The following SLC39A8 variants were observed in gnomAD, a reference collection of about 807,000 sequenced individuals.
SLC39A8 encodes metal cation symporter ZIP8.
In SLC39A8, 15 loss-of-function variants were observed where a neutral mutation model predicts 40.4. That is an observed-to-expected ratio of 0.37 (90% CI 0.25 to 0.57). The LOEUF (loss-of-function observed/expected upper bound fraction) is 0.57, where lower values mean the gene tolerates loss of function less well. Among genes scored for constraint, SLC39A8 ranks in the 20% least tolerant of loss-of-function variants. The probability of loss-of-function intolerance (pLI) is 0.75; values close to 1 mark genes in which losing one functional copy is unlikely to be tolerated. For synonymous variants in SLC39A8, 223 were observed against 221.6 expected (o/e 1.01, Z -0.06); for missense variants, 472 against 558.8 (o/e 0.84, Z 1.57).
intron 3 of SLC39A8, among the ~76,000 whole-genome samples, chr4:102,313,241 A>T (rs1734522475): frequency 6.6e-6 from 1 of 152,120 alleles, no homozygotes; most frequent in Non-Finnish European, 1.5e-5. Context: ...TGTAACTTTG[A>T]GCAAATGACT....
rs1037258277 is a variant in SLC39A8 at position 102,300,238 on chromosome 4, A to G, written c.840+4079T>C. 2.0e-5 allele frequency among the ~76,000 whole-genome samples: 3 copies of G among 152,214 alleles called. No homozygotes were observed. The South Asian group carries it at 6.2e-4, about 32-fold the overall frequency. ...TCAAATCATTTCGTCTAAATATTTA[A>G]AAGTTATAATCAAGCTAACTGTTAA... On this transcript the variant is annotated intron_variant, in intron 6 of 8. Transcript: ENST00000356736.
downstream of SLC39A8, chr4:102,259,654 C>T (rs187435219): frequency 1.9e-4 from 114 of 605,826 alleles, no homozygotes; most frequent in East Asian, 2.6e-3. Context: ...CGAAAGTCAA[C>T]GATTTTAATA....
At chr4:102,260,395 A>G (rs1358299156), downstream of SLC39A8, among the ~76,000 whole-genome samples, 7 of 152,220 alleles carry the variant, frequency 4.6e-5, no homozygotes, top group African/African-American at 1.7e-4. Flanking sequence ...CATTGAATAC[A>G]AGTGGAGATT....
At chr4:102,304,570 TAA>T in intron 5 of SLC39A8, 89 bp from the exon 6 acceptor site, 1 of 1,090,942 alleles carries the variant, frequency 9.2e-7, no homozygotes, top group Non-Finnish European at 1.3e-6. Context: ...TTTTTATTTA[TAA>T]GAGGAAAATT....
At chr4:102,314,007 G>C (rs1006160322) in intron 3 of SLC39A8, among the ~76,000 whole-genome samples, 5 of 151,978 alleles carry the variant, frequency 3.3e-5, no homozygotes, top group African/African-American at 1.2e-4. Flanking sequence ...CTGTCTACCT[G>C]TGTATGTCAA....
intron 6 of SLC39A8, among the ~76,000 whole-genome samples, chr4:102,284,470 G>A (rs1012769771): frequency 1.3e-5 from 2 of 152,056 alleles, no homozygotes; most frequent in Non-Finnish European, 2.9e-5. Flanking sequence ...CTTGGCACTT[G>A]GCAGGTGATC....
chr4:102,261,057 A>C (rs1731834400), downstream of SLC39A8, among the ~76,000 whole-genome samples: 1 of 152,254 alleles, frequency 6.6e-6, no homozygotes, highest in Non-Finnish European at 1.5e-5. Flanking sequence ...AAAGCAATCC[A>C]ACACAGACAT....
chr4:102,333,840 AAC>A (rs1735566258), intron 2 of SLC39A8, among the ~76,000 whole-genome samples: 1 of 152,004 alleles, frequency 6.6e-6, no homozygotes, highest in East Asian at 1.9e-4. Context: ...TCGAGATGGA[AAC>A]CTGAGGAGCA....
intron 3 of SLC39A8, among the ~76,000 whole-genome samples, chr4:102,310,508 C>A (rs1182901539): frequency 6.6e-6 from 1 of 152,132 alleles, no homozygotes; most frequent in Non-Finnish European, 1.5e-5. Flanking sequence ...TGCAGCAGAA[C>A]TCTGTCAAAA....
At chr4:102,280,286 G>A (rs1214849933) in intron 6 of SLC39A8, among the ~76,000 whole-genome samples, 1 of 152,112 alleles carries the variant, frequency 6.6e-6, no homozygotes, top group Non-Finnish European at 1.5e-5. Context: ...CACCTACACT[G>A]TGCTCAGAGT....
Position 102,262,987 on chromosome 4 carries a change from TGGAGA to T in SLC39A8, c.*52_*56del. The T allele has an allele frequency of 6.6e-7, 1 of 1,518,646 alleles. No homozygotes were observed. The highest frequency in any genetic ancestry group is 2.1e-5 in the Admixed American group (1 of 47,284). The allele number at this position is 1,518,646 out of a possible 1,614,324, so 94.1% of individuals were successfully genotyped here. A position where few individuals can be genotyped will look rare whatever the true frequency, so the allele number is the denominator to read the frequency against. ...ATAGGATCAGCTTCAAAATCCTTTT[TGGAGA>T]TGTTTTTATCTATTAAATGCCTTTA... On this transcript the variant is annotated 3_prime_UTR_variant, in exon 9 of 9. Transcript: ENST00000356736.
intron 6 of SLC39A8, among the ~76,000 whole-genome samples, chr4:102,290,943 A>C (rs1733409668): frequency 6.6e-6 from 1 of 151,810 alleles, no homozygotes; most frequent in South Asian, 2.1e-4. Flanking sequence ...CTCCACTTGT[A>C]CTCTATTTTC....
exon 12 of SLC39A8, chr4:102,252,353 C>T (rs1731612599): frequency 6.6e-6 from 1 of 152,324 alleles, no homozygotes; most frequent in South Asian, 2.1e-4. Flanking sequence ...CTTCTTTGTG[C>T]TTTTCACAAA....
intron 2 of SLC39A8, among the ~76,000 whole-genome samples, chr4:102,332,622 T>G (rs573585707): frequency 4.6e-5 from 7 of 152,368 alleles, no homozygotes; most frequent in South Asian, 2.1e-4. Flanking sequence ...CTCAAGGATC[T>G]AGAACCAGAA....
intron 3 of SLC39A8, among the ~76,000 whole-genome samples, chr4:102,313,707 A>G (rs1454188850): frequency 6.6e-6 from 1 of 151,980 alleles, no homozygotes; most frequent in Non-Finnish European, 1.5e-5. Flanking sequence ...CTCCTGCCTC[A>G]GCCTCCCAAG....
rs573581742 is a variant in SLC39A8 at position 102,301,080 on chromosome 4, C to T, written c.840+3237G>A. ...GGTGCAGGGCTGTCACCCTGGCACG[C>T]ACCTTCTCTTCTTTCTTCAGCTGCC... is the stretch of plus-strand genomic sequence containing the variant. On this transcript the variant is annotated intron_variant, in intron 6 of 8. Coordinates refer to ENST00000356736, the MANE Select transcript of SLC39A8 (RefSeq NM_001135146.2). 1.9e-4 allele frequency among the ~76,000 whole-genome samples: 29 copies of T among 152,160 alleles called. 1 individual carries two copies. The highest frequency in any genetic ancestry group is 7.0e-4 in the African/African-American group (29 of 41,560).
At chr4:102,284,337 C>T (rs776907862) in intron 6 of SLC39A8, among the ~76,000 whole-genome samples, 46 of 152,270 alleles carry the variant, frequency 3.0e-4, no homozygotes, top group Middle Eastern at 3.4e-3. Context: ...TTATAAGTGC[C>T]TGCATGGCAT....
At chr4:102,257,316 A>G (rs1328805229), downstream of SLC39A8, among the ~76,000 whole-genome samples, 1 of 151,844 alleles carries the variant, frequency 6.6e-6, no homozygotes, top group African/African-American at 2.4e-5. Flanking sequence ...ACCCCCAGCT[A>G]ATTTATTTAT....
chr4:102,303,884 A>C (rs1178373637), intron 6 of SLC39A8, among the ~76,000 whole-genome samples: 1 of 151,906 alleles, frequency 6.6e-6, no homozygotes, highest in Non-Finnish European at 1.5e-5. Flanking sequence ...TGTGGATATA[A>C]ATATAAATTA....
Sources: gnomAD v4.1 joint callset for allele counts (sites outside exome capture counted in the v4.1 genomes callset) on GRCh38, gnomAD v4.1.1 for gene constraint, MANE v1.5 for transcripts, NCBI Gene and HGNC (gene_info 2026-07-23, HGNC 2026-07-21) for gene names.